NLGN1: variants seen among roughly 807,000 people sequenced by gnomAD.
The protein encoded by NLGN1 is neuroligin 1, also known as neuroligin-1.
NLGN1 carries 12 observed loss-of-function variants against 65.5 expected under a neutral mutation model. That is an observed-to-expected ratio of 0.18 (90% CI 0.12 to 0.30). The LOEUF is 0.30. NLGN1 is among the 10% of genes least tolerant of loss of function. NLGN1 has a pLI of 1.00. For missense variants in NLGN1, 750 were observed against 1,007.1 expected, an observed-to-expected ratio of 0.74 and a Z score of 3.46; for synonymous variants, 350 against 359.5, an observed-to-expected ratio of 0.97 and a Z score of 0.30.
chr3:174,005,428 A>C (rs1379391456), intron 4 of NLGN1, among the ~76,000 whole-genome samples: 1 of 152,192 alleles, frequency 6.6e-6, no homozygotes, highest in East Asian at 1.9e-4. Context: ...GTGTTCAATA[A>C]ATATTCATTA....
At chr3:173,946,475 T>C (rs953655630) in intron 4 of NLGN1, among the ~76,000 whole-genome samples, 4 of 152,242 alleles carry the variant, frequency 2.6e-5, no homozygotes, top group Non-Finnish European at 5.9e-5. Context: ...AATATCACTC[T>C]AGCATGAGGC....
intron 4 of NLGN1, among the ~76,000 whole-genome samples, chr3:173,867,892 T>C (rs946656070): frequency 6.6e-6 from 1 of 152,142 alleles, no homozygotes; most frequent in African/African-American, 2.4e-5. Flanking sequence ...GTTGTTTGAA[T>C]TGAATATTGG....
At chr3:173,584,976 A>G (rs1196218248) in intron 2 of NLGN1, 1 of 152,110 alleles carries the variant, frequency 6.6e-6, no homozygotes, top group Non-Finnish European at 1.5e-5. Flanking sequence ...TCCTTGAATC[A>G]TTGCAAAGGG....
intron 3 of NLGN1, among the ~76,000 whole-genome samples, chr3:173,757,988 A>G (rs1777390253): frequency 6.6e-6 from 1 of 152,022 alleles, no homozygotes; most frequent in Non-Finnish European, 1.5e-5. Flanking sequence ...GATATGTTGA[A>G]GCTCTAAGCC....
intron 2 of NLGN1, among the ~76,000 whole-genome samples, chr3:173,580,135 C>G (rs1746165566): frequency 6.6e-6 from 1 of 152,020 alleles, no homozygotes; most frequent in African/African-American, 2.4e-5. Flanking sequence ...AAAAAAAACC[C>G]CACCTTTTCT....
chr3:173,503,046 A>C (rs771946372), intron 2 of NLGN1, among the ~76,000 whole-genome samples: 4 of 151,726 alleles, frequency 2.6e-5, no homozygotes, highest in Non-Finnish European at 5.9e-5. Context: ...TTTCCCCCAC[A>C]ATTAACATGC....
At chr3:173,460,734 T>C (rs535580511) in intron 2 of NLGN1, among the ~76,000 whole-genome samples, 1 of 152,262 alleles carries the variant, frequency 6.6e-6, no homozygotes, top group South Asian at 2.1e-4. Context: ...CTACAAATGG[T>C]AAGGAAATTG....
At chr3:173,519,420 G>T (rs1167097742) in intron 2 of NLGN1, among the ~76,000 whole-genome samples, 1 of 152,236 alleles carries the variant, frequency 6.6e-6, no homozygotes, top group Non-Finnish European at 1.5e-5. Flanking sequence ...AAAGCTGCAG[G>T]CCCTGAACAC....
At chr3:174,261,326 G>A (rs1208975429) in intron 4 of NLGN1, among the ~76,000 whole-genome samples, 3 of 146,294 alleles carry the variant, frequency 2.1e-5, no homozygotes, top group Non-Finnish European at 4.5e-5. Context: ...AGCATGGAAT[G>A]TTCTTCCATT....
chr3:173,951,995 T>C (rs924902323), intron 4 of NLGN1, among the ~76,000 whole-genome samples: 1 of 152,340 alleles, frequency 6.6e-6, no homozygotes, highest in Admixed American at 6.5e-5. Flanking sequence ...AACAAAGGCA[T>C]ACTGTTGAGA....
At chr3:174,095,694 A>C (rs972497117) in intron 4 of NLGN1, among the ~76,000 whole-genome samples, 1 of 152,016 alleles carries the variant, frequency 6.6e-6, no homozygotes, top group Non-Finnish European at 1.5e-5. Context: ...ACATTTTACT[A>C]TATATATTAC....
At chr3:173,952,657 G>A (rs1438727657) in intron 4 of NLGN1, among the ~76,000 whole-genome samples, 1 of 152,082 alleles carries the variant, frequency 6.6e-6, no homozygotes, top group African/African-American at 2.4e-5. Flanking sequence ...ACAACAGCAT[G>A]AACTTAATTA....
chr3:174,108,478 A>G (rs1347958043), intron 4 of NLGN1, among the ~76,000 whole-genome samples: 2 of 152,026 alleles, frequency 1.3e-5, no homozygotes, highest in Admixed American at 1.3e-4. Context: ...CACACTCGCC[A>G]TTGTTAGAAA....
At chr3:174,151,007 T>C (rs1724214514) in intron 4 of NLGN1, among the ~76,000 whole-genome samples, 1 of 141,498 alleles carries the variant, frequency 7.1e-6, no homozygotes, top group South Asian at 2.2e-4. Context: ...TGCCTTTGAA[T>C]TATCTGGTTC....
chr3:173,909,716 G>C (rs532016728), intron 4 of NLGN1, among the ~76,000 whole-genome samples: 1 of 152,028 alleles, frequency 6.6e-6, no homozygotes, highest in South Asian at 2.1e-4. Context: ...TCTTGCTCTT[G>C]TTGCCCAGGC....
chr3:173,937,771 G>A (rs1018473832), intron 4 of NLGN1, among the ~76,000 whole-genome samples: 2 of 152,146 alleles, frequency 1.3e-5, no homozygotes, highest in East Asian at 1.9e-4. Flanking sequence ...TGTGATTAAC[G>A]CAAAATAAGA....
At chr3:173,889,541 A>C (rs549825359) in intron 4 of NLGN1, among the ~76,000 whole-genome samples, 18 of 152,172 alleles carry the variant, frequency 1.2e-4, no homozygotes, top group Admixed American at 3.3e-4. Flanking sequence ...TTTTAAAAGA[A>C]TCCCGTTGTC....
At position 174,101,264 on chromosome 3, in the gene NLGN1, G is replaced by A. The variant is rs1712395010; in HGVS notation, c.647-174051G>A. Among the ~76,000 whole-genome samples the A allele has an allele frequency of 2.0e-5, 3 of 152,262 alleles. No individual in the cohort carries two copies. The South Asian group carries it at 6.2e-4, about 32-fold the overall frequency. Reference sequence around the variant, plus strand: ...ATGTTAAAGAGTTACTTCGGACGAGGATTCATGAATCAGGCAAATCAAACT... The same window carrying A: ...ATGTTAAAGAGTTACTTCGGACGAGAATTCATGAATCAGGCAAATCAAACT... On this transcript the variant is annotated intron_variant, in intron 4 of 6. Transcript: ENST00000457714.
intron 2 of NLGN1, among the ~76,000 whole-genome samples, chr3:173,565,252 AT>A (rs764972398): frequency 1.3e-5 from 2 of 152,244 alleles, no homozygotes; most frequent in Non-Finnish European, 2.9e-5. Flanking sequence ...AATAGACCAA[AT>A]ATAGTGAAAT....
Sources: gnomAD v4.1 joint callset for allele counts (sites outside exome capture counted in the v4.1 genomes callset) on GRCh38, gnomAD v4.1.1 for gene constraint, MANE v1.5 for transcripts, NCBI Gene and HGNC (gene_info 2026-07-23, HGNC 2026-07-21) for gene names.